The following TBX15 variants were observed in gnomAD, a reference collection of about 807,000 sequenced individuals.
TBX15 encodes the protein T-box transcription factor 15.
A neutral mutation model predicts 53.9 loss-of-function variants in TBX15; 18 were observed. The ratio of observed to expected loss-of-function variants is 0.33; its 90% CI spans 0.23 to 0.49. TBX15 has a LOEUF of 0.49. Ranked by LOEUF, TBX15 falls within the 20% of genes least tolerant of loss-of-function variation. The pLI, the probability that TBX15 is intolerant of heterozygous loss-of-function variation, is 0.98. For synonymous variants in TBX15, 295 were observed against 278.0 expected, an observed-to-expected ratio of 1.06 and a Z score of -0.61; for missense variants, 692 against 749.5, an observed-to-expected ratio of 0.92 and a Z score of 0.90.
chr1:118,923,881 A>G (rs536169033), intron 4 of TBX15, among the ~76,000 whole-genome samples: 148 of 152,312 alleles, frequency 9.7e-4, no homozygotes, highest in Non-Finnish European at 2.0e-3. Flanking sequence ...GTACCAATGG[A>G]CATGTCACTA....
At chr1:118,982,801 A>G (rs1657691255) in intron 1 of TBX15, among the ~76,000 whole-genome samples, 1 of 152,186 alleles carries the variant, frequency 6.6e-6, no homozygotes, top group Admixed American at 6.5e-5. Flanking sequence ...TAAGAAATTT[A>G]ATTCTCCCTT....
intron 5 of TBX15, among the ~76,000 whole-genome samples, chr1:118,916,010 T>C (rs1319383139): frequency 1.3e-5 from 2 of 152,214 alleles, no homozygotes; most frequent in Non-Finnish European, 2.9e-5. Context: ...GCTTTTAATG[T>C]GAGAATTAGG....
chr1:118,986,256 T>C (rs1027261989), intron 1 of TBX15, among the ~76,000 whole-genome samples: 7 of 152,184 alleles, frequency 4.6e-5, no homozygotes, highest in African/African-American at 1.4e-4. Flanking sequence ...CCTGGGTGCC[T>C]TTCTGGAATG....
chr1:118,972,697 C>T (rs893294937), intron 1 of TBX15, among the ~76,000 whole-genome samples: 9 of 152,072 alleles, frequency 5.9e-5, no homozygotes, highest in African/African-American at 1.9e-4. Context: ...CTCCCGGGTT[C>T]AAGTGATTCT....
chr1:118,964,086 A>G (rs375189703), intron 1 of TBX15, among the ~76,000 whole-genome samples: 1 of 152,184 alleles, frequency 6.6e-6, no homozygotes, highest in East Asian at 1.9e-4. Context: ...TGAATACCTG[A>G]CCCACAGAAT....
At chr1:118,983,400 T>C (rs544565483) in intron 1 of TBX15, among the ~76,000 whole-genome samples, 1 of 152,312 alleles carries the variant, frequency 6.6e-6, no homozygotes, top group East Asian at 1.9e-4. Flanking sequence ...ATAGAATGTC[T>C]TCATAACCAT....
intron 7 of TBX15, among the ~76,000 whole-genome samples, chr1:118,897,648 A>T (rs1270795781): frequency 6.6e-6 from 1 of 152,132 alleles, no homozygotes; most frequent in Non-Finnish European, 1.5e-5. Context: ...ATAGAAGTAA[A>T]TTGCCTCAAT....
At chr1:118,920,192 C>T (rs183291877) in intron 5 of TBX15, among the ~76,000 whole-genome samples, 3 of 152,202 alleles carry the variant, frequency 2.0e-5, no homozygotes, top group Admixed American at 2.0e-4. Flanking sequence ...CTTTTGTTCT[C>T]AAAAAGCTCA....
intron 6 of TBX15, among the ~76,000 whole-genome samples, chr1:118,906,561 T>G (rs946593573): frequency 1.1e-4 from 16 of 152,258 alleles, no homozygotes; most frequent in Middle Eastern, 3.4e-3. Context: ...TGGTTCTTTA[T>G]AAACATGGCC....
At position 118,917,909 on chromosome 1, in the gene TBX15, A is replaced by T. The variant is rs1012379479; in HGVS notation, c.862-3730T>A. ...TGGCCTGCCTCTCCAACCCATTCAC[A>T]CTCCCTTGCCTTGATCCACAGGCTC... is the stretch of plus-strand genomic sequence containing the variant. On this transcript the variant is annotated intron_variant, in intron 5 of 7. Coordinates refer to ENST00000369429, the MANE Select transcript of TBX15 (RefSeq NM_001330677.2). 5.3e-5 allele frequency among the ~76,000 whole-genome samples: 8 copies of T among 151,378 alleles called. 1 individual carries two copies. Among genetic ancestry groups the T allele is most frequent in the African/African-American group, 1.9e-4 (8 of 41,102 alleles).
intron 5 of TBX15, among the ~76,000 whole-genome samples, chr1:118,914,888 T>C (rs1318800549): frequency 1.3e-5 from 2 of 152,122 alleles, no homozygotes; most frequent in Non-Finnish European, 2.9e-5. Context: ...AAAGAGCCAG[T>C]TTCATAAGGC....
intron 1 of TBX15, among the ~76,000 whole-genome samples, chr1:118,963,913 G>A (rs991237141): frequency 2.0e-5 from 3 of 152,218 alleles, no homozygotes; most frequent in Non-Finnish European, 1.5e-5. Context: ...CTGACATGCA[G>A]TGAGGACGCC....
intron 1 of TBX15, among the ~76,000 whole-genome samples, chr1:118,932,846 T>C (rs946209): frequency 0.61 from 93,454 of 152,062 alleles, 28,841 homozygotes; most frequent in East Asian, 0.8. Context: ...GATTATCTAG[T>C]ATAATTTTCT....
intron 1 of TBX15, among the ~76,000 whole-genome samples, chr1:118,971,343 G>A (rs1365433545): frequency 6.6e-6 from 1 of 152,136 alleles, no homozygotes; most frequent in African/African-American, 2.4e-5. Context: ...ACACCTACAG[G>A]TGACTGGCAG....
At chr1:118,933,615 A>G (rs1209132489) in intron 1 of TBX15, among the ~76,000 whole-genome samples, 3 of 152,168 alleles carry the variant, frequency 2.0e-5, no homozygotes, top group African/African-American at 7.2e-5. Flanking sequence ...GCTGAGTGAC[A>G]AATCTATATC....
chr1:118,950,733 G>T (rs1273550588), intron 1 of TBX15, among the ~76,000 whole-genome samples: 1 of 152,140 alleles, frequency 6.6e-6, no homozygotes, highest in Non-Finnish European at 1.5e-5. Flanking sequence ...TAATAGGAAA[G>T]CTTAACTCAG....
chr1:118,926,388 T>C, intron 3 of TBX15, 122 bp downstream of exon 3: 1 of 890,884 alleles, frequency 1.1e-6, no homozygotes, highest in South Asian at 1.4e-5. Flanking sequence ...GCCATTGACA[T>C]AGTCTCCATT....
At chr1:118,893,402 A>ATGG (rs1654249734) in intron 7 of TBX15, among the ~76,000 whole-genome samples, 1 of 125,648 alleles carries the variant, frequency 8.0e-6, no homozygotes, top group African/African-American at 3.3e-5. Flanking sequence ...AGAAAGAAAG[A>ATGG]AAGAAAGGAA....
chr1:118,948,298 C>T (rs970653376), intron 1 of TBX15, among the ~76,000 whole-genome samples: 13 of 152,064 alleles, frequency 8.5e-5, no homozygotes, highest in African/African-American at 2.7e-4. Context: ...GAGAGATTGG[C>T]TCTATCACAT....
Sources: gnomAD v4.1 joint callset for allele counts (sites outside exome capture counted in the v4.1 genomes callset) on GRCh38, gnomAD v4.1.1 for gene constraint, MANE v1.5 for transcripts, NCBI Gene and HGNC (gene_info 2026-07-23, HGNC 2026-07-21) for gene names.